Variants in GSDME observed in about 807,000 individuals in gnomAD.
GSDME encodes the protein gasdermin E.
Under a neutral mutation model 47.5 loss-of-function variants are expected in GSDME, and 44 were observed. The observed-to-expected ratio is 0.93, with a 90% CI of 0.73 to 1.19. GSDME has a LOEUF of 1.19. Among genes scored for constraint, GSDME ranks in the 50% most tolerant of loss-of-function variants. The pLI is 0.00. For missense variants in GSDME, 663 were observed against 604.2 expected (o/e 1.10, Z -1.02); for synonymous variants, 258 against 252.8 (o/e 1.02, Z -0.20).
At chr7:24,709,526 T>C (rs1035362649) in intron 6 of GSDME, among the ~76,000 whole-genome samples, 9 of 152,230 alleles carry the variant, frequency 5.9e-5, no homozygotes, top group Admixed American at 4.6e-4. Flanking sequence ...CACCAGGGCT[T>C]CTGTGCTTAC....
chr7:24,785,351 C>T, the GSDME span, among the ~76,000 whole-genome samples: 1 of 152,154 alleles, frequency 6.6e-6, no homozygotes, highest in African/African-American at 2.4e-5. Flanking sequence ...TAGCATAGTT[C>T]CTGACCAGAA....
At chr7:24,766,680 C>A in the GSDME span, among the ~76,000 whole-genome samples, 1 of 152,210 alleles carries the variant, frequency 6.6e-6, no homozygotes, top group South Asian at 2.1e-4. This position sits in a 1 kb window ranked among gnomAD's most constrained non-coding sequence, Gnocchi z 4.2. Flanking sequence ...ATATGTGCCA[C>A]ATTTTCTTTA....
chr7:24,700,340 C>T (rs964047169), intron 9 of GSDME, among the ~76,000 whole-genome samples: 1 of 152,122 alleles, frequency 6.6e-6, no homozygotes, highest in African/African-American at 2.4e-5. Context: ...GGGTCTTGAT[C>T]TGTACCCGTA....
chr7:24,719,923 G>A (rs1789713059), intron 3 of GSDME, among the ~76,000 whole-genome samples: 1 of 152,212 alleles, frequency 6.6e-6, no homozygotes, highest in Non-Finnish European at 1.5e-5. Flanking sequence ...CCATGGCCCA[G>A]GGAATACAGG....
rs1471557209 is a variant in GSDME, at chr7:24,728,121, G to A, written c.405-8903C>T. Among the ~76,000 whole-genome samples the A allele has an allele frequency of 1.3e-5, 2 of 152,166 alleles. No individual in the cohort carries two copies. Among genetic ancestry groups the A allele is most frequent in the African/African-American group, 4.8e-5 (2 of 41,440 alleles). ...CTCCGTTTTTCTTATCAGGAATCGG[G>A]GGCAATTCTGGCCAATGAGACCTGA... On this transcript the variant is annotated intron_variant, in intron 3 of 9. Transcript: ENST00000645220. The surrounding 1 kb of genome is among the most constrained non-coding windows in gnomAD (Gnocchi z 7.2).
chr7:24,705,997 C>CCCTTCGGTCTCG lies in GSDME; in HGVS notation c.1183+186_1183+187insCGAGACCGAAGG. On this transcript the variant is annotated intron_variant, in intron 8 of 9. Transcript: ENST00000645220. This position sits in a 1 kb window ranked among gnomAD's most constrained non-coding sequence, Gnocchi z 4.1. ...GAGGCTTGTGCTGGATGGAAAGGCA[C>CCCTTCGGTCTCG]AGACTCGAGACCGAAGGGGGGTTTC... is the stretch of plus-strand genomic sequence containing the variant. 1.4e-6 allele frequency: 1 copy of CCCTTCGGTCTCG among 724,130 alleles called. No individual in the cohort carries two copies. The highest frequency in any genetic ancestry group is 2.4e-6 in the Non-Finnish European group (1 of 424,308). 44.9% of individuals were successfully genotyped at this position (724,130 alleles called of 1,614,324 possible).
the GSDME span, among the ~76,000 whole-genome samples, chr7:24,783,040 G>T: frequency 6.6e-6 from 1 of 152,164 alleles, no homozygotes; most frequent in Non-Finnish European, 1.5e-5. Context: ...AAGACAGTGG[G>T]ATTCTCATAC....
the GSDME span, among the ~76,000 whole-genome samples, chr7:24,764,400 C>A: frequency 1.3e-5 from 2 of 152,096 alleles, no homozygotes; most frequent in Admixed American, 6.6e-5. This position sits in a 1 kb window ranked among gnomAD's most constrained non-coding sequence, Gnocchi z 4.4. Flanking sequence ...TATGTTGAAA[C>A]CTTCAAGCTT....
the GSDME span, among the ~76,000 whole-genome samples, chr7:24,764,273 A>G: frequency 6.6e-6 from 1 of 152,224 alleles, no homozygotes; most frequent in Admixed American, 6.5e-5. This position sits in a 1 kb window ranked among gnomAD's most constrained non-coding sequence, Gnocchi z 4.4. Flanking sequence ...GTTTGGTCTG[A>G]ATGATGGAAA....
chr7:24,777,858 T>C, the GSDME span, among the ~76,000 whole-genome samples: 1 of 151,872 alleles, frequency 6.6e-6, no homozygotes, highest in African/African-American at 2.4e-5. Flanking sequence ...CATAGAGAGA[T>C]CCCATCTCCA....
the GSDME span, among the ~76,000 whole-genome samples, chr7:24,767,481 A>G: frequency 9.5e-6 from 1 of 105,628 alleles, no homozygotes; most frequent in Non-Finnish European, 1.9e-5. This position sits in a 1 kb window ranked among gnomAD's most constrained non-coding sequence, Gnocchi z 5.3. Flanking sequence ...CTCCCCCGCC[A>G]TCACTGCAAA....
chr7:24,727,753 C>A (rs938507899), intron 3 of GSDME, among the ~76,000 whole-genome samples: 2 of 152,232 alleles, frequency 1.3e-5, no homozygotes, highest in African/African-American at 4.8e-5. Context: ...ATTTCAGTAA[C>A]TGCCCCCCTA....
intron 9 of GSDME, among the ~76,000 whole-genome samples, chr7:24,700,665 C>T (rs972676748): frequency 2.6e-5 from 4 of 151,972 alleles, no homozygotes; most frequent in Non-Finnish European, 4.4e-5. Flanking sequence ...CTTGTAGATT[C>T]GCCAAATACA....
rs1790960690 is a variant in GSDME at position 24,754,655 on chromosome 7, G to T, written c.-20+2741C>A. Among the ~76,000 whole-genome samples the T allele has an allele frequency of 6.6e-6, 1 of 152,176 alleles. No individual in the cohort carries two copies. The highest frequency in any genetic ancestry group is 1.5e-5 in the Non-Finnish European group (1 of 68,034). ...GCAGACACCAAGAAAGCAGGACAATGACACAAAGTTAGCAAAGCACACAGC... is the reference window on the plus strand; with the variant it reads ...GCAGACACCAAGAAAGCAGGACAATTACACAAAGTTAGCAAAGCACACAGC... On this transcript the variant is annotated intron_variant, in intron 1 of 9. Coordinates refer to ENST00000645220, the MANE Select transcript of GSDME (RefSeq NM_001127453.2). The surrounding 1 kb of genome is among the most constrained non-coding windows in gnomAD (Gnocchi z 5.0).
chr7:24,720,629 A>C (rs1449667919), intron 3 of GSDME, among the ~76,000 whole-genome samples: 2 of 152,218 alleles, frequency 1.3e-5, no homozygotes, highest in African/African-American at 4.8e-5. Context: ...AAAGAAATGA[A>C]GTTGGGCCGG....
the GSDME span, among the ~76,000 whole-genome samples, chr7:24,782,479 G>C: frequency 6.6e-6 from 1 of 152,080 alleles, no homozygotes. Flanking sequence ...ATGGACATTT[G>C]GGTTGGTTCC....
chr7:24,703,451 G>C, intron 8 of GSDME: 1 of 166,488 alleles, frequency 6.0e-6, no homozygotes, highest in South Asian at 1.6e-4. Context: ...CCCCAGGGAA[G>C]GGAATGCCAG....
rs755817261 is a variant in GSDME at position 24,749,792 on chromosome 7, A to T, written c.-18T>A. On this transcript the variant is annotated splice_region_variant and 5_prime_UTR_variant, in exon 2 of 10. Coordinates refer to ENST00000645220, the MANE Select transcript of GSDME (RefSeq NM_001127453.2). ...GCAAACATTTTGAAAGCTCCAGATT[A>T]TCTGAAAAAGTAAAGTTATCCTAAA... The T allele has an allele frequency of 6.2e-7, 1 of 1,601,678 alleles. No homozygotes were observed. The highest frequency in any genetic ancestry group is 8.5e-7 in the Non-Finnish European group (1 of 1,170,022).
At chr7:24,759,736 C>T (rs1791136796), upstream of GSDME, among the ~76,000 whole-genome samples, 1 of 152,138 alleles carries the variant, frequency 6.6e-6, no homozygotes, top group African/African-American at 2.4e-5. Context: ...AGGGGTCCCC[C>T]CACCCAAGCA....
Sources: gnomAD v4.1 joint callset for allele counts (sites outside exome capture counted in the v4.1 genomes callset) on GRCh38, gnomAD v4.1.1 for gene constraint, Gnocchi (gnomAD v3.1) non-coding constraint, MANE v1.5 for transcripts, NCBI Gene and HGNC (gene_info 2026-07-23, HGNC 2026-07-21) for gene names.